FBXO31: variants seen among roughly 807,000 people sequenced by gnomAD.
The protein encoded by FBXO31 is F-box protein 31.
Under a neutral mutation model 54.4 loss-of-function variants are expected in FBXO31, and 24 were observed. That is an observed-to-expected ratio of 0.44 (90% CI 0.32 to 0.62). FBXO31 has a LOEUF of 0.62. Among genes scored for constraint, FBXO31 ranks in the 20% least tolerant of loss-of-function variants. The pLI is 0.05. For missense variants in FBXO31, 665 were observed against 787.1 expected (o/e 0.84, Z 1.86); for synonymous variants, 388 against 335.6 (o/e 1.16, Z -1.71).
chr16:87,340,081 G>A (rs895980544), intron 5 of FBXO31, among the ~76,000 whole-genome samples: 2 of 152,126 alleles, frequency 1.3e-5, no homozygotes, highest in African/African-American at 2.4e-5. Context: ...TCAGGAGTTC[G>A]AGACCAACCT....
rs1336157640 is a variant in FBXO31 at position 87,330,974 on chromosome 16, C to T, written c.*314G>A. 2 of 304,060 alleles carry T rather than the reference C, an allele frequency of 6.6e-6. No homozygotes were observed. The highest frequency in any genetic ancestry group is 4.7e-5 in the Admixed American group (1 of 21,404). 18.8% of individuals were successfully genotyped at this position (304,060 alleles called of 1,614,324 possible). On this transcript the variant is annotated 3_prime_UTR_variant, in exon 9 of 9. Coordinates refer to ENST00000311635, the MANE Select transcript of FBXO31 (RefSeq NM_024735.5). ...GCTTCCCGAGAAAACCACCAGCCAGCCCAGGGTGCGGGAACCCCACCGCTT... is the reference window on the plus strand; with the variant it reads ...GCTTCCCGAGAAAACCACCAGCCAGTCCAGGGTGCGGGAACCCCACCGCTT...
In FBXO31 at chr16:87,338,781, T is replaced by C. The variant is rs914302984; in HGVS notation, c.733-2517A>G. Reference sequence around the variant, plus strand: ...TCCAACCTCCCTGGGCAGACAGGACTCCACTCCCTTGGAACCTGCTTGATG... The same window carrying C: ...TCCAACCTCCCTGGGCAGACAGGACCCCACTCCCTTGGAACCTGCTTGATG... On this transcript the variant is annotated intron_variant, in intron 5 of 8. Transcript: ENST00000311635. This position sits in a 1 kb window ranked among gnomAD's most constrained non-coding sequence, Gnocchi z 4.3. 6.6e-6 allele frequency among the ~76,000 whole-genome samples: 1 copy of C among 152,152 alleles called. No individual in the cohort carries two copies. Among genetic ancestry groups the C allele is most frequent in the Non-Finnish European group, 1.5e-5 (1 of 68,014 alleles).
At chr16:87,339,617 G>A (rs1477622748) in intron 5 of FBXO31, among the ~76,000 whole-genome samples, 1 of 152,220 alleles carries the variant, frequency 6.6e-6, no homozygotes, top group Non-Finnish European at 1.5e-5. Flanking sequence ...TCCCGGAGGG[G>A]GAGCTCAGAA....
At chr16:87,333,446 G>A (rs1255049385) in intron 8 of FBXO31, among the ~76,000 whole-genome samples, 2 of 152,200 alleles carry the variant, frequency 1.3e-5, no homozygotes, top group South Asian at 2.1e-4. Context: ...CTGTCCAGGA[G>A]GACACCAAAC....
chr16:87,366,714 A>G (rs368464517), intron 1 of FBXO31, among the ~76,000 whole-genome samples: 7 of 152,228 alleles, frequency 4.6e-5, no homozygotes, highest in Non-Finnish European at 8.8e-5. Context: ...AGCTCCAGCC[A>G]ACAGGATCAT....
upstream of FBXO31, among the ~76,000 whole-genome samples, chr16:87,386,602 T>G (rs751342689): frequency 4.9e-4 from 75 of 152,188 alleles, no homozygotes; most frequent in Non-Finnish European, 8.7e-4. Flanking sequence ...CTTGGCTAAT[T>G]TTTGTATTTT....
chr16:87,369,231 C>T (rs555896667), intron 1 of FBXO31, among the ~76,000 whole-genome samples: 24 of 152,046 alleles, frequency 1.6e-4, no homozygotes, highest in African/African-American at 5.6e-4. Flanking sequence ...GTTGACTGTA[C>T]GGCTCACGGG....
At chr16:87,377,541 A>G (rs1906877027) in intron 1 of FBXO31, among the ~76,000 whole-genome samples, 1 of 152,094 alleles carries the variant, frequency 6.6e-6, no homozygotes, top group South Asian at 2.1e-4. Flanking sequence ...AATATATTAA[A>G]CAATCCAGAG....
In FBXO31 at chr16:87,345,270, A is replaced by T. The variant is rs1019733040; in HGVS notation, c.490-1505T>A. Among the ~76,000 whole-genome samples the T allele has an allele frequency of 2.0e-5, 3 of 148,998 alleles. No homozygotes were observed. The highest frequency in any genetic ancestry group is 4.5e-5 in the Non-Finnish European group (3 of 67,234). Reference sequence around the variant, plus strand: ...CAGCTGCCTGCCCAGAGCTCAACAAAGTCAGGGCGGGGCTTTCCGGAAAGT... The same window carrying T: ...CAGCTGCCTGCCCAGAGCTCAACAATGTCAGGGCGGGGCTTTCCGGAAAGT... On this transcript the variant is annotated intron_variant, in intron 3 of 8. Coordinates refer to ENST00000311635, the MANE Select transcript of FBXO31 (RefSeq NM_024735.5). This position sits in a 1 kb window ranked among gnomAD's most constrained non-coding sequence, Gnocchi z 4.9.
intron 1 of FBXO31, among the ~76,000 whole-genome samples, chr16:87,379,489 T>A (rs1461238183): frequency 6.6e-6 from 1 of 152,268 alleles, no homozygotes; most frequent in South Asian, 2.1e-4. Flanking sequence ...AGGGGAACAA[T>A]AAATGTTAAT....
At chr16:87,343,858 A>T in intron 3 of FBXO31, 93 bp from the exon 4 acceptor site, 1 of 1,385,570 alleles carries the variant, frequency 7.2e-7, no homozygotes, top group Non-Finnish European at 1.0e-6. Context: ...TGGCACAGAG[A>T]AGCTCCTGCC....
At chr16:87,332,819 C>T (rs972693186) in intron 8 of FBXO31, among the ~76,000 whole-genome samples, 4 of 152,100 alleles carry the variant, frequency 2.6e-5, no homozygotes, top group South Asian at 2.1e-4. Flanking sequence ...TAGCAGCATA[C>T]GCACATAGTG....
At chr16:87,339,946 C>A (rs967354240) in intron 5 of FBXO31, among the ~76,000 whole-genome samples, 1 of 152,166 alleles carries the variant, frequency 6.6e-6, no homozygotes, top group Non-Finnish European at 1.5e-5. Context: ...CACAGTGAGA[C>A]CCTATCTCTA....
chr16:87,360,701 G>A (rs1036285700), intron 1 of FBXO31, among the ~76,000 whole-genome samples: 2 of 152,234 alleles, frequency 1.3e-5, no homozygotes, highest in Non-Finnish European at 2.9e-5. Flanking sequence ...CAGTTGTCTG[G>A]ACACAGTGCC....
At position 87,338,066 on chromosome 16, in the gene FBXO31, G is replaced by A. The variant is rs919155900; in HGVS notation, c.733-1802C>T. Among the ~76,000 whole-genome samples, 1 of 152,068 alleles carries A rather than the reference G, an allele frequency of 6.6e-6. No individual in the cohort carries two copies. Among genetic ancestry groups the A allele is most frequent in the Admixed American group, 6.6e-5 (1 of 15,264 alleles). On this transcript the variant is annotated intron_variant, in intron 5 of 8. Transcript: ENST00000311635. The surrounding 1 kb of genome is among the most constrained non-coding windows in gnomAD (Gnocchi z 4.3). ...TCAATGTTACCGCTGTGAGTACTGC[G>A]ACTTCAACTTGACACCATCAGGAAG...
chr16:87,365,729 T>C (rs1219795320), intron 1 of FBXO31, among the ~76,000 whole-genome samples: 1 of 152,170 alleles, frequency 6.6e-6, no homozygotes, highest in Non-Finnish European at 1.5e-5. Flanking sequence ...ATGAAACAAC[T>C]GTATGAAAAA....
At chr16:87,378,287 AT>A (rs1906919275) in intron 1 of FBXO31, among the ~76,000 whole-genome samples, 1 of 152,216 alleles carries the variant, frequency 6.6e-6, no homozygotes. Context: ...CAATAAATAT[AT>A]TTTTTAAATG....
intron 2 of FBXO31, among the ~76,000 whole-genome samples, chr16:87,351,853 A>C (rs1161238592): frequency 6.6e-6 from 1 of 152,160 alleles, no homozygotes; most frequent in Admixed American, 6.5e-5. Flanking sequence ...TGGGCGACAG[A>C]CCGAGACTCT....
At chr16:87,384,509 C>G (rs1344803077), upstream of FBXO31, among the ~76,000 whole-genome samples, 1 of 152,248 alleles carries the variant, frequency 6.6e-6, no homozygotes, top group Non-Finnish European at 1.5e-5. Context: ...CCTGCAGCTG[C>G]TGGGAGCCGC....
Sources: allele counts gnomAD v4.1 joint callset (sites outside exome capture counted in the v4.1 genomes callset), GRCh38; gene constraint gnomAD v4.1.1; non-coding constraint Gnocchi (gnomAD v3.1); transcripts MANE v1.5; gene names NCBI Gene and HGNC (gene_info 2026-07-23, HGNC 2026-07-21).